The following RBFOX1 variants were observed in gnomAD, a reference collection of about 807,000 sequenced individuals.
RBFOX1 encodes RNA binding fox-1 homolog 1.
RBFOX1 carries 8 observed loss-of-function variants against 57.7 expected under a neutral mutation model. The observed-to-expected ratio is 0.14, with a 90% CI of 0.08 to 0.25. RBFOX1 has a LOEUF of 0.25. RBFOX1 is among the 10% of genes least tolerant of loss of function. The pLI is 1.00. For synonymous variants in RBFOX1, 326 were observed against 222.4 expected (o/e 1.47, Z -4.15); for missense variants, 611 against 548.5 (o/e 1.11, Z -1.14).
intron 3 of RBFOX1, among the ~76,000 whole-genome samples, chr16:7,001,957 G>A (rs1305438293): frequency 1.3e-5 from 2 of 151,948 alleles, no homozygotes; most frequent in Non-Finnish European, 2.9e-5. Context: ...GTTTCTTCTT[G>A]TGCACACGAT....
intron 4 of RBFOX1, among the ~76,000 whole-genome samples, chr16:7,188,969 A>G (rs1027999976): frequency 6.6e-6 from 1 of 152,142 alleles, no homozygotes; most frequent in African/African-American, 2.4e-5. Context: ...TTGATAAACC[A>G]CTCAAGGAAG....
chr16:5,824,766 G>A (rs910948106), intron 3 of RBFOX1, among the ~76,000 whole-genome samples: 9 of 152,198 alleles, frequency 5.9e-5, no homozygotes, highest in Non-Finnish European at 1.2e-4. Context: ...CACACTTTGA[G>A]CCCAGTGGCT....
At chr16:7,265,431 ATTCAT>A (rs1233623138) in intron 4 of RBFOX1, among the ~76,000 whole-genome samples, 1 of 150,914 alleles carries the variant, frequency 6.6e-6, no homozygotes, top group Admixed American at 6.6e-5. Context: ...TCTTTCCTTT[ATTCAT>A]TTATTTATTT....
At chr16:6,169,365 G>C (rs918163626) in intron 1 of RBFOX1, among the ~76,000 whole-genome samples, 5 of 152,058 alleles carry the variant, frequency 3.3e-5, no homozygotes, top group Admixed American at 3.3e-4. Flanking sequence ...AAAATTTCGG[G>C]ATTTGAATTC....
chr16:7,558,388 ACACT>A (rs531211846), intron 5 of RBFOX1, among the ~76,000 whole-genome samples: 22 of 152,158 alleles, frequency 1.4e-4, no homozygotes, highest in East Asian at 9.7e-4. Flanking sequence ...ACACGCGCAC[ACACT>A]CACACACATA....
At chr16:7,123,789 G>A (rs1011037998) in intron 4 of RBFOX1, among the ~76,000 whole-genome samples, 1 of 152,138 alleles carries the variant, frequency 6.6e-6, no homozygotes, top group Non-Finnish European at 1.5e-5. Flanking sequence ...AATTTATAAA[G>A]TACATTGTTT....
intron 2 of RBFOX1, among the ~76,000 whole-genome samples, chr16:5,569,379 A>T (rs1596309308): frequency 6.7e-6 from 1 of 148,634 alleles, no homozygotes; most frequent in Admixed American, 6.8e-5. Context: ...CTTCTCTGTG[A>T]AACAGAATGT....
At chr16:6,348,767 C>T (rs1308985519) in intron 2 of RBFOX1, among the ~76,000 whole-genome samples, 1 of 152,070 alleles carries the variant, frequency 6.6e-6, no homozygotes, top group Non-Finnish European at 1.5e-5. Flanking sequence ...GCTAACCATT[C>T]ATGAAGGATC....
chr16:5,933,702 G>A (rs940285501), intron 4 of RBFOX1, among the ~76,000 whole-genome samples: 4 of 152,014 alleles, frequency 2.6e-5, no homozygotes, highest in African/African-American at 4.8e-5. Context: ...GAAATACTAT[G>A]TAGAGTTTGG....
At chr16:6,904,139 C>T (rs1322647239) in intron 3 of RBFOX1, among the ~76,000 whole-genome samples, 1 of 152,194 alleles carries the variant, frequency 6.6e-6, no homozygotes, top group Non-Finnish European at 1.5e-5. Flanking sequence ...GTTCTCAGAT[C>T]ATTTTTAAAG....
At chr16:7,115,816 G>A (rs1033438071) in intron 4 of RBFOX1, among the ~76,000 whole-genome samples, 30 of 152,180 alleles carry the variant, frequency 2.0e-4, no homozygotes, top group African/African-American at 7.2e-4. Flanking sequence ...ACATGAACAG[G>A]GATCACTGGG....
intron 3 of RBFOX1, among the ~76,000 whole-genome samples, chr16:7,042,785 G>C (rs76023903): frequency 0.059 from 8,941 of 152,192 alleles, 467 homozygotes; most frequent in East Asian, 0.2. Flanking sequence ...AATTAGCCGG[G>C]TGTGGTGGCG....
intron 4 of RBFOX1, among the ~76,000 whole-genome samples, chr16:7,333,524 C>T (rs921484784): frequency 6.6e-6 from 1 of 152,150 alleles, no homozygotes; most frequent in Non-Finnish European, 1.5e-5. Context: ...CGCCTCCACA[C>T]GGATTGTCTA....
chr16:6,534,480 T>A (rs879454425), intron 2 of RBFOX1, among the ~76,000 whole-genome samples: 1 of 152,162 alleles, frequency 6.6e-6, no homozygotes, highest in African/African-American at 2.4e-5. Flanking sequence ...ACCTCTAGGC[T>A]GTCCACAAAA....
At chr16:7,260,845 G>C (rs1393594706) in intron 4 of RBFOX1, among the ~76,000 whole-genome samples, 2 of 152,160 alleles carry the variant, frequency 1.3e-5, no homozygotes, top group East Asian at 1.9e-4. Flanking sequence ...CCAGGTGCAA[G>C]AGTTAGGGAA....
At chr16:6,217,464 G>C (rs1030368635) in intron 1 of RBFOX1, among the ~76,000 whole-genome samples, 10 of 152,120 alleles carry the variant, frequency 6.6e-5, no homozygotes, top group African/African-American at 2.4e-4. Context: ...TCCTGGGACT[G>C]AGCACACGTG....
intron 2 of RBFOX1, among the ~76,000 whole-genome samples, chr16:6,497,661 A>G (rs1185741058): frequency 1.4e-4 from 22 of 151,734 alleles, no homozygotes; most frequent in Admixed American, 1.4e-3. Context: ...GGTTCAAGTG[A>G]TTGTCCTGCC....
intron 3 of RBFOX1, among the ~76,000 whole-genome samples, chr16:6,673,834 C>G (rs547104832): frequency 6.6e-6 from 1 of 152,074 alleles, no homozygotes; most frequent in Non-Finnish European, 1.5e-5. Flanking sequence ...ATAGCCAAGA[C>G]AGTGCTAGAG....
chr16:7,524,474 C>G (rs946289461), intron 5 of RBFOX1, among the ~76,000 whole-genome samples: 1 of 152,222 alleles, frequency 6.6e-6, no homozygotes, highest in Non-Finnish European at 1.5e-5. Flanking sequence ...CTGTTCCTGA[C>G]AAGGTATTTT....
Sources: allele counts gnomAD v4.1 joint callset (sites outside exome capture counted in the v4.1 genomes callset), GRCh38; gene constraint gnomAD v4.1.1; transcripts MANE v1.5; gene names NCBI Gene and HGNC (gene_info 2026-07-23, HGNC 2026-07-21).